Variants in TSC22D2 observed in about 807,000 individuals in gnomAD.
The protein encoded by TSC22D2 is TSC22 domain family member 2, also known as TSC22 domain family protein 2.
TSC22D2 carries 5 observed loss-of-function variants against 50.1 expected under a neutral mutation model. The observed-to-expected ratio is 0.10, with a 90% CI of 0.05 to 0.21. The LOEUF (loss-of-function observed/expected upper bound fraction) is 0.21, where lower values mean the gene tolerates loss of function less well. TSC22D2 is among the 10% of genes least tolerant of loss of function. TSC22D2 has a pLI of 1.00. For synonymous variants in TSC22D2, 501 were observed against 450.1 expected, an observed-to-expected ratio of 1.11 and a Z score of -1.43; for missense variants, 1,003 against 1,015.5, an observed-to-expected ratio of 0.99 and a Z score of 0.17.
At chr3:150,426,380 A>G (rs1429054360) in intron 1 of TSC22D2, among the ~76,000 whole-genome samples, 1 of 152,184 alleles carries the variant, frequency 6.6e-6, no homozygotes, top group Non-Finnish European at 1.5e-5. Flanking sequence ...TGCTTTGTTA[A>G]ATTGGCAGAA....
chr3:150,442,400 A>G (rs1238581804), intron 1 of TSC22D2, among the ~76,000 whole-genome samples: 1 of 152,234 alleles, frequency 6.6e-6, no homozygotes, highest in Non-Finnish European at 1.5e-5. Context: ...TGGCATCACA[A>G]AATTTGGTGT....
At chr3:150,420,848 G>A (rs527901588) in intron 1 of TSC22D2, among the ~76,000 whole-genome samples, 26 of 152,306 alleles carry the variant, frequency 1.7e-4, no homozygotes, top group African/African-American at 6.0e-4. Flanking sequence ...TTGGGAGGCC[G>A]AGGCGGGCAG....
intron 1 of TSC22D2, among the ~76,000 whole-genome samples, chr3:150,446,093 C>CAAAAAAAA: frequency 9.6e-6 from 1 of 104,058 alleles, no homozygotes; most frequent in Admixed American, 1.1e-4. Context: ...GACTCCATCT[C>CAAAAAAAA]AAAAAAAAAA....
chr3:150,442,567 G>A (rs1352047236), intron 1 of TSC22D2, among the ~76,000 whole-genome samples: 4 of 152,172 alleles, frequency 2.6e-5, no homozygotes, highest in Non-Finnish European at 5.9e-5. Flanking sequence ...AGGTAACATA[G>A]TAAGTGTTTA....
At chr3:150,426,942 G>T (rs377486287) in intron 1 of TSC22D2, among the ~76,000 whole-genome samples, 1 of 152,174 alleles carries the variant, frequency 6.6e-6, no homozygotes, top group African/African-American at 2.4e-5. Flanking sequence ...TTTGTGTAGG[G>T]AACGCCTTCC....
intron 1 of TSC22D2, among the ~76,000 whole-genome samples, chr3:150,431,692 A>G (rs909124445): frequency 1.3e-5 from 2 of 152,216 alleles, no homozygotes; most frequent in Admixed American, 1.3e-4. Flanking sequence ...AGTACTGCCT[A>G]AAATCCAGCT....
chr3:150,435,187 C>G (rs1213890599), intron 1 of TSC22D2, among the ~76,000 whole-genome samples: 2 of 152,078 alleles, frequency 1.3e-5, no homozygotes, highest in African/African-American at 4.8e-5. Flanking sequence ...CCATGTTGGT[C>G]AGGCTGTTCT....
chr3:150,448,703 T>C (rs1433250556), intron 1 of TSC22D2, among the ~76,000 whole-genome samples: 2 of 152,118 alleles, frequency 1.3e-5, no homozygotes, highest in Non-Finnish European at 2.9e-5. Context: ...AATGTTTTAA[T>C]AGATTTTTAG....
Position 150,410,210 on chromosome 3 carries a change from A to C in TSC22D2, c.860A>C (p.Gln287Pro). 1.3e-6 allele frequency: 2 copies of C among 1,592,664 alleles called. No homozygotes were observed. The highest frequency in any genetic ancestry group is 1.7e-6 in the Non-Finnish European group (2 of 1,169,860). The change falls in exon 1 of 3, where the codon CAA becomes CCA. Residue 287 changes from glutamine to proline, a missense_variant. Physicochemically the swap from Gln to Pro is moderately conservative, Grantham distance 76. Coordinates refer to ENST00000688009, the MANE Select transcript of TSC22D2 (RefSeq NM_001303264.2). ...PPPPVGGAVA[Q>P]SSAPLPPFPG... ...CCACCCGTAGGTGGGGCTGTGGCTC[A>C]AAGCTCGGCTCCGCTGCCGCCGTTC...
chr3:150,410,174 AGCC>A lies in TSC22D2; in HGVS notation c.834_836del (p.Pro280del), dbSNP rs756322055. 13 of 1,608,290 alleles carry A rather than the reference AGCC, an allele frequency of 8.1e-6. No individual in the cohort carries two copies. Among genetic ancestry groups the A allele is most frequent in the East Asian group, 2.2e-5 (1 of 44,690 alleles). ...CAGAGTTTTAGCGTTGGGCAGCCAC[AGCC>A]GCCGCCGCCACCCGTAGGTGGGGCT... On this transcript the variant is annotated inframe_deletion, in exon 1 of 3. Transcript: ENST00000688009.
chr3:150,423,280 A>G (rs879512107), intron 1 of TSC22D2: 3 of 456,768 alleles, frequency 6.6e-6, no homozygotes, highest in African/African-American at 4.0e-5. Context: ...CAAAAGGACA[A>G]TCTCTATTTT....
chr3:150,447,743 C>T (rs2108097011), intron 1 of TSC22D2, among the ~76,000 whole-genome samples: 2 of 152,282 alleles, frequency 1.3e-5, no homozygotes, highest in South Asian at 4.1e-4. Context: ...TCTCAAGATT[C>T]TGTATGCTTC....
At chr3:150,439,474 C>T (rs538310792) in intron 1 of TSC22D2, among the ~76,000 whole-genome samples, 6 of 152,230 alleles carry the variant, frequency 3.9e-5, no homozygotes, top group Non-Finnish European at 5.9e-5. Flanking sequence ...TCTCTTATTC[C>T]GTATACTTTT....
intron 1 of TSC22D2, among the ~76,000 whole-genome samples, chr3:150,436,130 T>C (rs1345278528): frequency 2.0e-5 from 3 of 152,170 alleles, no homozygotes; most frequent in Non-Finnish European, 4.4e-5. Context: ...TTTGAAAATA[T>C]ATGCTTAGGA....
Position 150,408,670 on chromosome 3 carries a change from A to C in TSC22D2, c.-681A>C, listed in dbSNP as rs1175116288. 1.3e-5 allele frequency: 2 copies of C among 152,410 alleles called. No individual in the cohort carries two copies. Among genetic ancestry groups the C allele is most frequent in the Non-Finnish European group, 1.5e-5 (1 of 68,260 alleles). 9.4% of individuals were successfully genotyped at this position (152,410 alleles called of 1,614,324 possible). On this transcript the variant is annotated 5_prime_UTR_variant, in exon 1 of 3. It removes an upstream start codon present in the reference 5' UTR. Transcript: ENST00000688009. ...CGGGTTTCCGCCTGAGGCAGTCGACATGTCCCTGGGGCTGAGCTCCGGCTA... is the reference window on the plus strand; with the variant it reads ...CGGGTTTCCGCCTGAGGCAGTCGACCTGTCCCTGGGGCTGAGCTCCGGCTA...
chr3:150,451,258 A>ATT (rs1721035541), intron 1 of TSC22D2, among the ~76,000 whole-genome samples: 1 of 152,144 alleles, frequency 6.6e-6, no homozygotes, highest in Non-Finnish European at 1.5e-5. Flanking sequence ...CAGTATTTTA[A>ATT]TTAAAGATAC....
intron 1 of TSC22D2, among the ~76,000 whole-genome samples, chr3:150,421,031 C>T (rs1189911474): frequency 1.3e-5 from 2 of 152,150 alleles, no homozygotes; most frequent in African/African-American, 2.4e-5. Context: ...TGCAGTGAGC[C>T]GCGATTGTGC....
chr3:150,457,453 G>A (rs974203225), intron 2 of TSC22D2, among the ~76,000 whole-genome samples: 3 of 152,080 alleles, frequency 2.0e-5, no homozygotes, highest in African/African-American at 7.2e-5. Context: ...GTGAAAAAGA[G>A]TATTAAAGCA....
chr3:150,453,461 G>GTA (rs1183967320), intron 1 of TSC22D2, among the ~76,000 whole-genome samples: 1 of 152,122 alleles, frequency 6.6e-6, no homozygotes, highest in Non-Finnish European at 1.5e-5. Context: ...TACCATATTG[G>GTA]TATCTCCATC....
Sources: allele counts gnomAD v4.1 joint callset (sites outside exome capture counted in the v4.1 genomes callset), GRCh38; gene constraint gnomAD v4.1.1; transcripts MANE v1.5; gene names NCBI Gene and HGNC (gene_info 2026-07-23, HGNC 2026-07-21).